Variants in CSMD2 observed in about 807,000 individuals in gnomAD.
CSMD2 encodes the protein CUB and Sushi multiple domains 2, also known as CUB and sushi domain-containing protein 2.
In CSMD2, 130 loss-of-function variants were observed where a neutral mutation model predicts 398.5. That is an observed-to-expected ratio of 0.33 (90% confidence interval 0.28 to 0.38). The LOEUF (loss-of-function observed/expected upper bound fraction) is 0.38, where lower values mean the gene tolerates loss of function less well. Among genes scored for constraint, CSMD2 ranks in the 10% least tolerant of loss-of-function variants. The probability of loss-of-function intolerance (pLI) is 1.00; values close to 1 mark genes in which losing one functional copy is unlikely to be tolerated. For synonymous variants in CSMD2, 1,828 were observed against 1,908.5 expected, an observed-to-expected ratio of 0.96 and a Z score of 1.10; for missense variants, 3,829 against 4,764.9, an observed-to-expected ratio of 0.80 and a Z score of 5.78.
At position 33,819,925 on chromosome 1, in the gene CSMD2, C is replaced by T; in HGVS notation, c.1200-88G>A. The T allele has an allele frequency of 1.3e-6, 2 of 1,548,332 alleles. 1 individual carries two copies. Among genetic ancestry groups the T allele is most frequent in the South Asian group, 2.4e-5 (2 of 82,668 alleles). On this transcript the variant is annotated intron_variant, in intron 8 of 70. Transcript: ENST00000373381. Reference sequence around the variant, plus strand: ...TTCCTGGTTCCACAAAGAAGCCGCACATGTTATTTTTCCTTCTGGCCCTTA... The same window carrying T: ...TTCCTGGTTCCACAAAGAAGCCGCATATGTTATTTTTCCTTCTGGCCCTTA...
At chr1:34,154,484 A>T (rs1553122521) in intron 1 of CSMD2, among the ~76,000 whole-genome samples, 1 of 152,216 alleles carries the variant, frequency 6.6e-6, no homozygotes, top group Non-Finnish European at 1.5e-5. Context: ...AGTTGCTGAT[A>T]AGCTAGATGG....
At chr1:33,615,608 G>T (rs1641332789) in intron 39 of CSMD2, among the ~76,000 whole-genome samples, 7 of 152,208 alleles carry the variant, frequency 4.6e-5, no homozygotes, top group Admixed American at 4.6e-4. Flanking sequence ...CTTCTAATGG[G>T]GTTGTTGTGA....
chr1:33,670,034 T>G (rs982932031), intron 25 of CSMD2, among the ~76,000 whole-genome samples: 1 of 152,200 alleles, frequency 6.6e-6, no homozygotes, highest in Non-Finnish European at 1.5e-5. Context: ...AAAACACATT[T>G]CTGTTATTTT....
chr1:33,714,312 C>A (rs1405050671), intron 21 of CSMD2, among the ~76,000 whole-genome samples: 2 of 152,206 alleles, frequency 1.3e-5, no homozygotes, highest in Non-Finnish European at 2.9e-5. Flanking sequence ...AAATCGACTT[C>A]ATGTGAGTGC....
chr1:33,707,232 C>T (rs1191264395), intron 22 of CSMD2, among the ~76,000 whole-genome samples: 2 of 152,222 alleles, frequency 1.3e-5, no homozygotes, highest in African/African-American at 2.4e-5. Context: ...TTGCACAGAA[C>T]CACTGCTTAT....
chr1:33,979,391 A>C (rs1329209145), intron 3 of CSMD2, among the ~76,000 whole-genome samples: 1 of 152,084 alleles, frequency 6.6e-6, no homozygotes, highest in Non-Finnish European at 1.5e-5. Context: ...GAGATGAAGG[A>C]GGCATTTCGG....
chr1:33,780,619 A>G (rs577185706), intron 12 of CSMD2, among the ~76,000 whole-genome samples: 3 of 152,310 alleles, frequency 2.0e-5, no homozygotes, highest in Admixed American at 6.5e-5. Flanking sequence ...GTATTTAGAG[A>G]GCACATCTCA....
chr1:34,026,857 G>A (rs1013762117), intron 3 of CSMD2, among the ~76,000 whole-genome samples: 1 of 152,092 alleles, frequency 6.6e-6, no homozygotes. Flanking sequence ...CCATGAACTC[G>A]GAGTGACACA....
chr1:33,610,932 A>C (rs1422632091), intron 41 of CSMD2, 109 bp downstream of exon 41: 1 of 1,070,726 alleles, frequency 9.3e-7, no homozygotes, highest in Admixed American at 2.1e-5. Flanking sequence ...ACCGCAACCC[A>C]CCCCTTATGG....
chr1:33,901,885 G>A (rs934886866), intron 5 of CSMD2, among the ~76,000 whole-genome samples: 3 of 152,160 alleles, frequency 2.0e-5, no homozygotes, highest in African/African-American at 7.2e-5. Context: ...ATTCAATAAT[G>A]AATCAATTCA....
chr1:33,919,191 A>C (rs1163208878), intron 4 of CSMD2, among the ~76,000 whole-genome samples: 1 of 152,224 alleles, frequency 6.6e-6, no homozygotes, highest in Non-Finnish European at 1.5e-5. Flanking sequence ...CAGAATCTCC[A>C]GAATTCAGCA....
At position 34,031,664 on chromosome 1, in the gene CSMD2, C is replaced by T. The variant is rs920263559; in HGVS notation, c.517+930G>A. Among the ~76,000 whole-genome samples, 9 of 150,348 alleles carry T rather than the reference C, an allele frequency of 6.0e-5. No homozygotes were observed. In the East Asian group the frequency reaches 1.2e-3, roughly 20 times the overall value. On this transcript the variant is annotated intron_variant, in intron 3 of 70. Transcript: ENST00000373381. ...CAGAACTTGTCCTCTTTATGCATTA[C>T]ACCCCTGGCCAAGACAGGGAGTGTC...
At position 33,518,054 on chromosome 1, in the gene CSMD2, T is replaced by C. The variant is rs2148513793; in HGVS notation, c.*53+1411A>G. ...TGGGGAGGGAGCGCAACACTAGCCC[T>C]GGGTTTGGCTGGTGGCCCACTTGGC... On this transcript the variant is annotated intron_variant, in intron 70 of 70. Coordinates refer to ENST00000373381, the MANE Select transcript of CSMD2 (RefSeq NM_001281956.2). The surrounding 1 kb of genome is among the most constrained non-coding windows in gnomAD (Gnocchi z 4.3). Among the ~76,000 whole-genome samples the C allele has an allele frequency of 6.6e-6, 1 of 152,380 alleles. No homozygotes were observed. The highest frequency in any genetic ancestry group is 1.9e-4 in the East Asian group (1 of 5,192).
chr1:34,153,913 T>C (rs561806629), intron 1 of CSMD2, among the ~76,000 whole-genome samples: 3 of 152,158 alleles, frequency 2.0e-5, no homozygotes, highest in Non-Finnish European at 2.9e-5. Flanking sequence ...AAAGGAAGCA[T>C]TTCTGTCCAA....
At chr1:33,866,763 C>T (rs1388910845) in intron 5 of CSMD2, among the ~76,000 whole-genome samples, 2 of 152,260 alleles carry the variant, frequency 1.3e-5, no homozygotes, top group Non-Finnish European at 2.9e-5. Context: ...CCTGTACACT[C>T]ATACAAGTTC....
intron 3 of CSMD2, among the ~76,000 whole-genome samples, chr1:34,008,900 A>G (rs559652319): frequency 6.6e-6 from 1 of 152,256 alleles, no homozygotes; most frequent in South Asian, 2.1e-4. Context: ...TTGATTTGAC[A>G]TCTTCACAAC....
chr1:33,517,453 G>GT (rs1388175089), intron 70 of CSMD2, among the ~76,000 whole-genome samples: 1 of 152,170 alleles, frequency 6.6e-6, no homozygotes, highest in Non-Finnish European at 1.5e-5. Flanking sequence ...CGGCATTCTT[G>GT]TTTCTTTCTT....
At chr1:34,077,273 C>A (rs1477546987) in intron 2 of CSMD2, among the ~76,000 whole-genome samples, 7 of 151,010 alleles carry the variant, frequency 4.6e-5, no homozygotes, top group African/African-American at 1.7e-4. Context: ...TTGGCTAACA[C>A]GGTGAATCCC....
intron 53 of CSMD2, among the ~76,000 whole-genome samples, chr1:33,560,528 C>CT (rs905654533): frequency 6.6e-6 from 1 of 152,184 alleles, no homozygotes; most frequent in African/African-American, 2.4e-5. Context: ...TTTGCACTTG[C>CT]TTTTTTCTCT....
Sources: allele counts gnomAD v4.1 joint callset (sites outside exome capture counted in the v4.1 genomes callset), GRCh38; gene constraint gnomAD v4.1.1; non-coding constraint Gnocchi (gnomAD v3.1); transcripts MANE v1.5; gene names NCBI Gene and HGNC (gene_info 2026-07-23, HGNC 2026-07-21).